The following ANKHD1 variants were observed in gnomAD, a reference collection of about 807,000 sequenced individuals.
ANKHD1 encodes ankyrin repeat and KH domain containing 1.
A neutral mutation model predicts 230.5 loss-of-function variants in ANKHD1; 31 were observed. The observed-to-expected ratio is 0.13, with a 90% confidence interval of 0.10 to 0.18. The LOEUF is 0.18. Ranked by LOEUF, ANKHD1 falls within the 10% of genes least tolerant of loss-of-function variation. The pLI is 1.00. For synonymous variants in ANKHD1, 1,074 were observed against 1,117.6 expected (o/e 0.96, Z 0.78); for missense variants, 2,256 against 3,071.3 (o/e 0.73, Z 6.27).
At position 140,529,291 on chromosome 5, in the gene ANKHD1, T is replaced by A; in HGVS notation, c.6345T>A (p.Ala2115=). The A allele has an allele frequency of 6.2e-7, 1 of 1,614,216 alleles. No homozygotes were observed. The highest frequency in any genetic ancestry group is 8.5e-7 in the Non-Finnish European group (1 of 1,180,030). The change falls in exon 29 of 34, where the codon GCT becomes GCA. Residue 2115 remains alanine, a synonymous_variant. Coordinates refer to ENST00000360839, the MANE Select transcript of ANKHD1 (RefSeq NM_017747.3). ...TGACATCACCCAGAATGGTTGCTGC[T>A]GATAATCAGGACACCAGTAATTTAC... ...LTLTSPRMVA[A]DNQDTSNLPQ...
chr5:140,468,052 C>CTTTTTTTTTTTTTTTTTTTTTT (rs869172143), intron 10 of ANKHD1, among the ~76,000 whole-genome samples: 2 of 52,412 alleles, frequency 3.8e-5, no homozygotes, highest in African/African-American at 8.9e-5. Context: ...TGTACTAATT[C>CTTTTTTTTTTTTTTTTTTTTTT]TTTTTTTTTT....
rs774829953 is a variant in ANKHD1 at position 140,506,948 on chromosome 5, G to A, written c.3522G>A (p.Leu1174=). 1.2e-6 allele frequency: 2 copies of A among 1,613,904 alleles called. No individual in the cohort carries two copies. The highest frequency in any genetic ancestry group is 1.7e-6 in the Non-Finnish European group (2 of 1,179,934). ...GATATGTTAATATCATTAAGATTCT[G>A]CTTAATGCTGGGGCAGAAATTAATT... ...SGGYVNIIKI[L]LNAGAEINSR... The change falls in exon 19 of 34, where the codon CTG becomes CTA. Residue 1174 remains leucine, a synonymous_variant. Coordinates refer to ENST00000360839, the MANE Select transcript of ANKHD1 (RefSeq NM_017747.3). The surrounding 1 kb of genome is among the most constrained non-coding windows in gnomAD (Gnocchi z 4.7).
At chr5:140,466,333 G>A (rs1253245501) in intron 10 of ANKHD1, among the ~76,000 whole-genome samples, 1 of 151,408 alleles carries the variant, frequency 6.6e-6, no homozygotes, top group Non-Finnish European at 1.5e-5. Flanking sequence ...GGAGGTTGCA[G>A]TGAGCCTAGA....
In ANKHD1 at chr5:140,539,798, C is replaced by A; in HGVS notation, c.*380C>A. 1 of 165,346 alleles carries A rather than the reference C, an allele frequency of 6.0e-6. No individual in the cohort carries two copies. Among genetic ancestry groups the A allele is most frequent in the Non-Finnish European group, 1.3e-5 (1 of 76,224 alleles). 10.2% of individuals were successfully genotyped at this position (165,346 alleles called of 1,614,324 possible). A position where few individuals can be genotyped will look rare whatever the true frequency, so the allele number is the denominator to read the frequency against. ...ATATAGTGGCTCTACGTAATGTAGC[C>A]TGTATTAATGTGAAATATTTACCAG... On this transcript the variant is annotated 3_prime_UTR_variant, in exon 34 of 34. Transcript: ENST00000360839.
intron 1 of ANKHD1, among the ~76,000 whole-genome samples, chr5:140,415,507 C>T (rs1447618722): frequency 4.2e-5 from 6 of 143,974 alleles, no homozygotes; most frequent in Non-Finnish European, 6.0e-5. Flanking sequence ...GGTGCGATCT[C>T]GGCTCACTGT....
intron 10 of ANKHD1, among the ~76,000 whole-genome samples, chr5:140,471,432 G>A (rs1384342222): frequency 2.0e-5 from 3 of 152,284 alleles, no homozygotes; most frequent in African/African-American, 7.2e-5. Flanking sequence ...GGGTGAAATA[G>A]GGGTAAGGTG....
At position 140,539,577 on chromosome 5, in the gene ANKHD1, C is replaced by A; in HGVS notation, c.*159C>A. 1 of 789,684 alleles carries A rather than the reference C, an allele frequency of 1.3e-6. No homozygotes were observed. Among genetic ancestry groups the A allele is most frequent in the Non-Finnish European group, 1.9e-6 (1 of 515,442 alleles). The allele number at this position is 789,684 out of a possible 1,614,324, so 48.9% of individuals were successfully genotyped here. ...AAGAACAAATTGATTTCCTATCCAC[C>A]TGATTATGTTCTCTGGTTAGTTTAG... On this transcript the variant is annotated 3_prime_UTR_variant, in exon 34 of 34. Coordinates refer to ENST00000360839, the MANE Select transcript of ANKHD1 (RefSeq NM_017747.3).
intron 7 of ANKHD1, among the ~76,000 whole-genome samples, chr5:140,454,059 C>T (rs936427217): frequency 3.6e-4 from 55 of 152,140 alleles, no homozygotes; most frequent in African/African-American, 1.3e-3. Context: ...GCAGGGGTTG[C>T]AATCCTAGTC....
At chr5:140,531,836 A>G (rs1190428840) in intron 29 of ANKHD1, among the ~76,000 whole-genome samples, 1 of 152,236 alleles carries the variant, frequency 6.6e-6, no homozygotes, top group Non-Finnish European at 1.5e-5. Flanking sequence ...TGTAGAAACA[A>G]CCGAACGTTC....
chr5:140,484,547 T>C (rs1239132356), intron 11 of ANKHD1, among the ~76,000 whole-genome samples: 1 of 152,198 alleles, frequency 6.6e-6, no homozygotes, highest in African/African-American at 2.4e-5. Context: ...AAAATCTGTT[T>C]TCTTTACTTT....
intron 10 of ANKHD1, among the ~76,000 whole-genome samples, chr5:140,477,817 G>A (rs1277799667): frequency 6.6e-6 from 1 of 151,988 alleles, no homozygotes; most frequent in Non-Finnish European, 1.5e-5. Flanking sequence ...TCACCATGTT[G>A]GGCAGGCTGG....
At chr5:140,487,155 C>A in intron 14 of ANKHD1, 95 bp downstream of exon 14, 1 of 1,263,624 alleles carries the variant, frequency 7.9e-7, no homozygotes, top group Non-Finnish European at 1.0e-6. Flanking sequence ...TACTGTGTAC[C>A]CATGGCTAAT....
rs766724526 is a variant in ANKHD1, at chr5:140,529,257, C to T, written c.6311C>T (p.Pro2104Leu). ...TTTGCATCTAACTCAGAACCTGCTC[C>T]ATTGACTTTGACATCACCCAGAATG... ...MPFASNSEPA[P>L]LTLTSPRMVA... is the part of the protein sequence containing the mutation. The change falls in exon 29 of 34, where the codon CCA becomes CTA. Residue 2104 changes from proline to leucine, a missense_variant. Pro to Leu is a moderately conservative substitution (Grantham distance 98). This residue lies in a region of ANKHD1 where 778 missense variants were observed against 966.5 expected (regional missense o/e 0.80). Coordinates refer to ENST00000360839, the MANE Select transcript of ANKHD1 (RefSeq NM_017747.3). 6.2e-7 allele frequency: 1 copy of T among 1,614,210 alleles called. No individual in the cohort carries two copies. Among genetic ancestry groups the T allele is most frequent in the South Asian group, 1.1e-5 (1 of 91,090 alleles).
At chr5:140,514,187 TAAAAAAAA>T (rs141993613) in intron 24 of ANKHD1, among the ~76,000 whole-genome samples, 1 of 111,458 alleles carries the variant, frequency 9.0e-6, no homozygotes, top group Non-Finnish European at 1.9e-5. Flanking sequence ...CTCTCTCTAT[TAAAAAAAA>T]AAAAAAAAAA....
chr5:140,443,155 G>A (rs901734648), intron 5 of ANKHD1, among the ~76,000 whole-genome samples: 1 of 151,450 alleles, frequency 6.6e-6, no homozygotes, highest in African/African-American at 2.4e-5. Flanking sequence ...CACCCACCTC[G>A]GCCTCCCAAA....
chr5:140,498,271 C>T (rs1237089563), intron 15 of ANKHD1: 1 of 152,230 alleles, frequency 6.6e-6, no homozygotes, highest in African/African-American at 2.4e-5. Context: ...ATTCTCCTCC[C>T]CTTCTCCCAT....
Position 140,529,221 on chromosome 5 carries a change from T to C in ANKHD1, c.6275T>C (p.Met2092Thr), listed in dbSNP as rs921463548. 1 of 1,614,240 alleles carries C rather than the reference T, an allele frequency of 6.2e-7. No homozygotes were observed. Among genetic ancestry groups the C allele is most frequent in the African/African-American group, 1.3e-5 (1 of 75,062 alleles). ...TCCAGTGTGTCTGATTTAAGTCCTA[T>C]GTCAATGCCTTTTGCATCTAACTCA... ...QPSSVSDLSPMSMPFASNSEP... is the reference protein window; with the variant it reads ...QPSSVSDLSPTSMPFASNSEP... Residue 2092 changes from methionine to threonine, a missense_variant, in exon 29 of 34, where the codon ATG becomes ACG. Coordinates refer to ENST00000360839, the MANE Select transcript of ANKHD1 (RefSeq NM_017747.3).
At chr5:140,412,486 T>A (rs913571328) in intron 1 of ANKHD1, among the ~76,000 whole-genome samples, 1 of 152,194 alleles carries the variant, frequency 6.6e-6, no homozygotes, top group Non-Finnish European at 1.5e-5. Context: ...TTAATGAAAT[T>A]ACTGTCATGT....
Position 140,503,553 on chromosome 5 carries a change from CTTTTTTTTTTTTTT to C in ANKHD1, c.3005-1249_3005-1236del, listed in dbSNP as rs70988767. Among the ~76,000 whole-genome samples the C allele has an allele frequency of 1.2e-3, 61 of 51,410 alleles. 1 individual carries two copies. The highest frequency in any genetic ancestry group is 4.3e-3 in the South Asian group (5 of 1,160). 33.7% of individuals were successfully genotyped at this position (51,410 alleles called of 152,430 possible). On this transcript the variant is annotated intron_variant, in intron 15 of 33. Transcript: ENST00000360839. ...AATTTCTTTTAACTCAGTTTTCTTT[CTTTTTTTTTTTTTT>C]TTTTTTTTTTTTTTTTTTGAGATGG...
Sources: allele counts gnomAD v4.1 joint callset (sites outside exome capture counted in the v4.1 genomes callset), GRCh38; gene constraint gnomAD v4.1.1; regional missense constraint gnomAD v4.1.1; non-coding constraint Gnocchi (gnomAD v3.1); transcripts MANE v1.5; gene names NCBI Gene and HGNC (gene_info 2026-07-23, HGNC 2026-07-21).